Variants in TPRG1 observed in about 807,000 individuals in gnomAD.
TPRG1 encodes the protein tumor protein p63-regulated gene 1 protein.
In TPRG1, 29 loss-of-function variants were observed where a neutral mutation model predicts 29.3. That is an observed-to-expected ratio of 0.99 (90% CI 0.74 to 1.35). The LOEUF (loss-of-function observed/expected upper bound fraction) is 1.35, where lower values mean the gene tolerates loss of function less well. Among genes scored for constraint, TPRG1 ranks in the 40% most tolerant of loss-of-function variants. TPRG1 has a pLI of 0.00. For synonymous variants in TPRG1, 130 were observed against 116.8 expected, an observed-to-expected ratio of 1.11 and a Z score of -0.73; for missense variants, 327 against 335.0, an observed-to-expected ratio of 0.98 and a Z score of 0.19.
intron 5 of TPRG1, among the ~76,000 whole-genome samples, chr3:189,164,309 C>A (rs1284697867): frequency 1.3e-5 from 2 of 152,170 alleles, no homozygotes; most frequent in African/African-American, 4.8e-5. Context: ...ACTACAGGTG[C>A]CCACCATCAT....
At position 189,238,635 on chromosome 3, in the gene TPRG1, C is replaced by G. The variant is rs112107782; in HGVS notation, c.303-98C>G. The G allele has an allele frequency of 6.9e-4, 729 of 1,057,650 alleles. 6 individuals are homozygous for G. The African/African-American group carries it at 0.011, about 16-fold the overall frequency. 65.5% of individuals were successfully genotyped at this position (1,057,650 alleles called of 1,614,324 possible). On this transcript the variant is annotated intron_variant, in intron 3 of 5. Coordinates refer to ENST00000345063, the MANE Select transcript of TPRG1 (RefSeq NM_198485.4). ...CAGCCCCTCTCTCTTCTGAGTTGAT[C>G]AAACTTCACTGTTTTCTGTGCTAGG... is the stretch of plus-strand genomic sequence containing the variant.
At chr3:189,254,649 A>G (rs1711518163) in intron 4 of TPRG1, among the ~76,000 whole-genome samples, 2 of 152,328 alleles carry the variant, frequency 1.3e-5, no homozygotes, top group Middle Eastern at 3.4e-3. Flanking sequence ...CTTCCTATCC[A>G]TGAGCATGGA....
At chr3:189,003,454 T>C (rs1408286063) in intron 2 of TPRG1, among the ~76,000 whole-genome samples, 1 of 152,168 alleles carries the variant, frequency 6.6e-6, no homozygotes, top group African/African-American at 2.4e-5. Flanking sequence ...GTTAGGACTT[T>C]TACCTAGGAT....
intron 3 of TPRG1, among the ~76,000 whole-genome samples, chr3:189,018,747 G>GT (rs1316279865): frequency 6.6e-5 from 10 of 151,258 alleles, no homozygotes; most frequent in Non-Finnish European, 1.5e-4. Context: ...CTTTAAAGTA[G>GT]TTTTTTCCAA....
chr3:189,058,955 G>A (rs1173411056), intron 4 of TPRG1, among the ~76,000 whole-genome samples: 4 of 152,140 alleles, frequency 2.6e-5, no homozygotes, highest in African/African-American at 9.7e-5. Context: ...TCATTTAGAT[G>A]GGGTCCTTTC....
chr3:189,147,742 T>C (rs562012930), intron 4 of TPRG1: 1 of 152,328 alleles, frequency 6.6e-6, no homozygotes, highest in South Asian at 2.1e-4. Context: ...TGCTGTCCAG[T>C]GGAACCCAGG....
At chr3:189,269,746 C>T (rs6772511) in intron 4 of TPRG1, among the ~76,000 whole-genome samples, 4,777 of 152,316 alleles carry the variant, frequency 0.031, 251 homozygotes, top group African/African-American at 0.11. Flanking sequence ...TAATCTCCCT[C>T]ATTTTACAGT....
At chr3:189,026,242 T>C (rs1713654700) in intron 4 of TPRG1, among the ~76,000 whole-genome samples, 2 of 152,212 alleles carry the variant, frequency 1.3e-5, no homozygotes, top group Admixed American at 1.3e-4. Flanking sequence ...ATGTGGTCTT[T>C]TCTCTGTGGA....
chr3:189,019,240 T>G (rs1471253080), intron 3 of TPRG1, among the ~76,000 whole-genome samples: 3 of 151,936 alleles, frequency 2.0e-5, no homozygotes, highest in Admixed American at 1.3e-4. Flanking sequence ...TCCTGCCTAA[T>G]TGCCCTGGCC....
intron 4 of TPRG1, among the ~76,000 whole-genome samples, chr3:189,076,773 T>C (rs1260111397): frequency 2.0e-5 from 3 of 152,130 alleles, no homozygotes; most frequent in African/African-American, 7.2e-5. Flanking sequence ...TAGGCAAATG[T>C]ATCACTGTTT....
chr3:189,225,939 T>A (rs979599946), intron 3 of TPRG1, among the ~76,000 whole-genome samples: 7 of 151,354 alleles, frequency 4.6e-5, no homozygotes, highest in African/African-American at 1.7e-4. Flanking sequence ...AAAGAGACAA[T>A]CCACCAAGAA....
rs112219289 is a variant in TPRG1 at position 189,062,521 on chromosome 3, C to T, written c.-463+38575C>T. On this transcript the variant is annotated intron_variant, in intron 4 of 10. Coordinates refer to the TPRG1 transcript ENST00000433971. ...CAAAAAAATAGCAGAAATATGAGTACATACAATGGACTATCCTTCCCCTCA... is the reference window on the plus strand; with the variant it reads ...CAAAAAAATAGCAGAAATATGAGTATATACAATGGACTATCCTTCCCCTCA... Among the ~76,000 whole-genome samples the T allele has an allele frequency of 3.1e-3, 465 of 152,126 alleles. 3 individuals are homozygous for T. The highest frequency in any genetic ancestry group is 0.011 in the African/African-American group (442 of 41,514).
intron 3 of TPRG1, among the ~76,000 whole-genome samples, chr3:189,228,387 A>G (rs1016794787): frequency 1.3e-5 from 2 of 152,158 alleles, no homozygotes; most frequent in African/African-American, 4.8e-5. Context: ...AATATAACAC[A>G]GTATTAAAAA....
chr3:189,245,150 G>A (rs575473684), intron 4 of TPRG1, among the ~76,000 whole-genome samples: 11 of 152,238 alleles, frequency 7.2e-5, no homozygotes, highest in African/African-American at 1.9e-4. Context: ...TTGAACTCTC[G>A]ACCTCAGGTG....
chr3:189,120,863 C>A (rs1012093504), intron 1 of TPRG1, among the ~76,000 whole-genome samples: 1 of 151,986 alleles, frequency 6.6e-6, no homozygotes, highest in African/African-American at 2.4e-5. Context: ...GGTCACACAC[C>A]CCATCTGAGA....
At chr3:189,138,238 T>C (rs1724032033) in intron 3 of TPRG1, among the ~76,000 whole-genome samples, 1 of 152,186 alleles carries the variant, frequency 6.6e-6, no homozygotes, top group African/African-American at 2.4e-5. Context: ...AAAAATGTCA[T>C]GTAAGCAAAG....
rs1376801218 is a variant in TPRG1, at chr3:189,324,247, C to A, written c.*3427C>A. 16 of 152,064 alleles carry A rather than the reference C, an allele frequency of 1.1e-4. No homozygotes were observed. The highest frequency in any genetic ancestry group is 1.0e-3 in the Admixed American group (16 of 15,240). The allele number at this position is 152,064 out of a possible 1,614,324, so 9.4% of individuals were successfully genotyped here. ...GCAGAAAAACCATGTCAATTCAGTG[C>A]TTTTATTTCACAGAAAATGAAGCAA... is the stretch of plus-strand genomic sequence containing the variant. On this transcript the variant is annotated 3_prime_UTR_variant, in exon 6 of 6. Transcript: ENST00000345063.
At chr3:189,262,249 T>TAAGTAG (rs1560619884) in intron 4 of TPRG1, among the ~76,000 whole-genome samples, 2 of 150,230 alleles carry the variant, frequency 1.3e-5, no homozygotes, top group African/African-American at 5.0e-5. Context: ...AGTATAAGTA[T>TAAGTAG]AAGTATAAGA....
intron 3 of TPRG1, among the ~76,000 whole-genome samples, chr3:189,137,703 T>C (rs1436810791): frequency 1.3e-5 from 2 of 152,154 alleles, no homozygotes. Context: ...CCTATTTTGA[T>C]AGGGAAGTTC....
Sources: allele counts gnomAD v4.1 joint callset (sites outside exome capture counted in the v4.1 genomes callset), GRCh38; gene constraint gnomAD v4.1.1; transcripts MANE v1.5; gene names NCBI Gene and HGNC (gene_info 2026-07-23, HGNC 2026-07-21).